The following CDH4 variants were observed in gnomAD, a reference collection of about 807,000 sequenced individuals.
The protein encoded by CDH4 is cadherin-4.
CDH4 carries 33 observed loss-of-function variants against 86.0 expected under a neutral mutation model. The observed-to-expected ratio is 0.38, with a 90% CI of 0.29 to 0.51. The LOEUF (loss-of-function observed/expected upper bound fraction) is 0.51. CDH4 is among the 20% of genes least tolerant of loss of function. The pLI is 0.86. For missense variants in CDH4, 1,114 were observed against 1,307.4 expected (o/e 0.85, Z 2.28); for synonymous variants, 555 against 549.4 (o/e 1.01, Z -0.14).
intron 12 of CDH4, 42 bp from the exon 13 acceptor site, chr20:61,929,567 G>C: frequency 6.7e-7 from 1 of 1,497,760 alleles, no homozygotes; most frequent in Admixed American, 1.7e-5. Context: ...TTGGAAGCGA[G>C]GGCCGGGCTC....
intron 4 of CDH4, among the ~76,000 whole-genome samples, chr20:61,792,638 C>CTGTGTGTGTGTGTGTGTGTGTGTGTG (rs139135636): frequency 2.7e-4 from 41 of 150,658 alleles, no homozygotes; most frequent in African/African-American, 9.3e-4. Context: ...TTAGATGATG[C>CTGTGTGTGTGTGTGTGTGTGTGTGTG]TGTGTGTGTG....
rs988897290 is a variant in CDH4, at chr20:61,501,246, T to A, written c.170-242317T>A. Among the ~76,000 whole-genome samples the A allele has an allele frequency of 6.6e-6, 1 of 152,170 alleles. No homozygotes were observed. Among genetic ancestry groups the A allele is most frequent in the Non-Finnish European group, 1.5e-5 (1 of 68,030 alleles). ...TTATCTGATGTTTAGAGCTTCATAG[T>A]TTAAATGGCAATCATTCCTTGAAGC... On this transcript the variant is annotated intron_variant, in intron 2 of 15. Transcript: ENST00000614565. This position sits in a 1 kb window ranked among gnomAD's most constrained non-coding sequence, Gnocchi z 4.2.
intron 4 of CDH4, among the ~76,000 whole-genome samples, chr20:61,794,511 G>C (rs57840178): frequency 0.17 from 26,459 of 152,212 alleles, 2,363 homozygotes; most frequent in South Asian, 0.2. Context: ...TGTCAAGTGG[G>C]TAGCAAAGGT....
At chr20:61,578,601 A>G (rs2145715749) in intron 2 of CDH4, among the ~76,000 whole-genome samples, 1 of 152,304 alleles carries the variant, frequency 6.6e-6, no homozygotes, top group East Asian at 1.9e-4. Flanking sequence ...GGAGCTACTC[A>G]CAGAGCCGAC....
rs1055055379 is a variant in CDH4, at chr20:61,269,997, G to A, written c.169+15060G>A. ...TGCGGCAGTCATTTTTCCATCAGAA[G>A]GTGGCTTGATTTGATGGGTTTTATG... On this transcript the variant is annotated intron_variant, in intron 2 of 15. Coordinates refer to ENST00000614565, the MANE Select transcript of CDH4 (RefSeq NM_001794.5). This position sits in a 1 kb window ranked among gnomAD's most constrained non-coding sequence, Gnocchi z 5.3. Among the ~76,000 whole-genome samples the A allele has an allele frequency of 6.6e-6, 1 of 152,212 alleles. No individual in the cohort carries two copies. Among genetic ancestry groups the A allele is most frequent in the Admixed American group, 6.5e-5 (1 of 15,278 alleles).
intron 4 of CDH4, among the ~76,000 whole-genome samples, chr20:61,776,599 C>T (rs2088845527): frequency 6.6e-6 from 1 of 152,230 alleles, no homozygotes; most frequent in Non-Finnish European, 1.5e-5. Context: ...CACTGCAGAA[C>T]AGGCCGTGAG....
chr20:61,763,415 T>C (rs964312034), intron 3 of CDH4, among the ~76,000 whole-genome samples: 4 of 152,180 alleles, frequency 2.6e-5, no homozygotes, highest in African/African-American at 7.2e-5. Flanking sequence ...AGAGGACTGC[T>C]CTGGCATCTG....
intron 2 of CDH4, among the ~76,000 whole-genome samples, chr20:61,399,900 G>A (rs967035939): frequency 6.6e-6 from 1 of 152,314 alleles, no homozygotes; most frequent in Admixed American, 6.5e-5. Context: ...CAAGCCCAGT[G>A]GTTCTCACGC....
At chr20:61,360,418 A>G (rs1357725108) in intron 2 of CDH4, among the ~76,000 whole-genome samples, 3 of 152,194 alleles carry the variant, frequency 2.0e-5, no homozygotes, top group African/African-American at 7.2e-5. Context: ...TTTGTGTCTC[A>G]GGTATGAGCC....
At chr20:61,763,801 A>G (rs1052932186) in intron 3 of CDH4, among the ~76,000 whole-genome samples, 15 of 152,210 alleles carry the variant, frequency 9.9e-5, no homozygotes, top group Non-Finnish European at 1.6e-4. Flanking sequence ...TTGGCTCTTC[A>G]TAATTCCCGG....
At chr20:61,374,104 C>T (rs2084854228) in intron 2 of CDH4, among the ~76,000 whole-genome samples, 1 of 152,164 alleles carries the variant, frequency 6.6e-6, no homozygotes, top group Admixed American at 6.5e-5. Context: ...ATCTATCAAG[C>T]ACTGTCACAG....
chr20:61,666,878 C>A (rs1671176021), intron 2 of CDH4, among the ~76,000 whole-genome samples: 1 of 152,222 alleles, frequency 6.6e-6, no homozygotes, highest in Non-Finnish European at 1.5e-5. Flanking sequence ...TTCCGCTTCC[C>A]CTGGGAGTGT....
intron 4 of CDH4, among the ~76,000 whole-genome samples, chr20:61,820,502 C>T (rs546958409): frequency 9.8e-4 from 149 of 152,342 alleles, no homozygotes; most frequent in African/African-American, 3.4e-3. Context: ...CAGCCATTTG[C>T]CCAAGGGTCA....
At chr20:61,817,260 G>A (rs1468011159) in intron 4 of CDH4, among the ~76,000 whole-genome samples, 3 of 152,160 alleles carry the variant, frequency 2.0e-5, no homozygotes, top group Admixed American at 1.3e-4. Context: ...AGGGGCCCCC[G>A]AGTGAGTGCC....
At chr20:61,362,266 G>A (rs1405034334) in intron 2 of CDH4, among the ~76,000 whole-genome samples, 2 of 152,178 alleles carry the variant, frequency 1.3e-5, no homozygotes, top group Non-Finnish European at 2.9e-5. Context: ...GGGGTTTGGG[G>A]TTTTGGGGTG....
At chr20:61,573,888 A>T (rs1346859944) in intron 2 of CDH4, among the ~76,000 whole-genome samples, 1 of 152,216 alleles carries the variant, frequency 6.6e-6, no homozygotes, top group Admixed American at 6.5e-5. Context: ...GAGCCCTGCC[A>T]GGAGCTCCCC....
chr20:61,836,906 G>T (rs959150722), intron 4 of CDH4, among the ~76,000 whole-genome samples: 16 of 152,348 alleles, frequency 1.1e-4, no homozygotes, highest in Admixed American at 9.8e-4. Context: ...AAAAGTGGGG[G>T]TAGGGGGTCT....
At chr20:61,877,579 C>G (rs530216268) in intron 7 of CDH4, among the ~76,000 whole-genome samples, 1 of 152,120 alleles carries the variant, frequency 6.6e-6, no homozygotes, top group Non-Finnish European at 1.5e-5. Context: ...CGGGAGGCCC[C>G]GTCTGGTGCA....
chr20:61,625,158 G>A (rs982009718), intron 2 of CDH4, among the ~76,000 whole-genome samples: 6 of 152,152 alleles, frequency 3.9e-5, no homozygotes, highest in African/African-American at 1.2e-4. Context: ...AGGGCGGGAC[G>A]AGAGGGAAGC....
Sources: gnomAD v4.1 joint callset for allele counts (sites outside exome capture counted in the v4.1 genomes callset) on GRCh38, gnomAD v4.1.1 for gene constraint, Gnocchi (gnomAD v3.1) non-coding constraint, MANE v1.5 for transcripts, NCBI Gene and HGNC (gene_info 2026-07-23, HGNC 2026-07-21) for gene names.